RETREG1: variants seen among roughly 807,000 people sequenced by gnomAD.
RETREG1 encodes family with sequence similarity 134 member B.
RETREG1 carries 44 observed loss-of-function variants against 54.8 expected under a neutral mutation model. The ratio of observed to expected loss-of-function variants is 0.80; its 90% confidence interval spans 0.63 to 1.03. The LOEUF (loss-of-function observed/expected upper bound fraction) is 1.03. Ranked by LOEUF, RETREG1 falls within the 50% of genes least tolerant of loss-of-function variation. The pLI, the probability that RETREG1 is intolerant of heterozygous loss-of-function variation, is 0.00. For missense variants in RETREG1, 554 were observed against 605.1 expected, an observed-to-expected ratio of 0.92 and a Z score of 0.89; for synonymous variants, 217 against 238.5, an observed-to-expected ratio of 0.91 and a Z score of 0.83.
At position 16,475,214 on chromosome 5, in the gene RETREG1, C is replaced by A; in HGVS notation, c.1021G>T (p.Glu341Ter). The change falls in exon 9 of 9, where the codon GAA (glutamate) becomes TAA (stop). Residue 341 changes from glutamate to a stop codon, truncating the protein, a stop_gained. Transcript: ENST00000306320. LOFTEE classifies it high-confidence loss of function. Reference sequence around the variant, plus strand: ...TCTGAAAGATCTCTAGAGAAAACTTCCTCACTGGGTCGGTCAAGATCTGTG... The same window carrying A: ...TCTGAAAGATCTCTAGAGAAAACTTACTCACTGGGTCGGTCAAGATCTGTG... ...TSDDLDRPSE[E>*]VFSRDLSDFP... The A allele has an allele frequency of 6.2e-7, 1 of 1,613,044 alleles. No homozygotes were observed. The highest frequency in any genetic ancestry group is 1.1e-5 in the South Asian group (1 of 91,082).
intron 3 of RETREG1, among the ~76,000 whole-genome samples, chr5:16,491,532 A>T (rs1306423044): frequency 6.6e-6 from 1 of 152,230 alleles, no homozygotes; most frequent in African/African-American, 2.4e-5. Flanking sequence ...CATGTTTTTA[A>T]TTCACTTATC....
chr5:16,601,463 C>A (rs1335173831), intron 1 of RETREG1, among the ~76,000 whole-genome samples: 2 of 149,632 alleles, frequency 1.3e-5, no homozygotes, highest in African/African-American at 4.9e-5. Context: ...ATGGCGTGAT[C>A]TCAGCTCACT....
chr5:16,479,867 TG>T (rs1241372240), intron 5 of RETREG1, among the ~76,000 whole-genome samples: 3 of 152,048 alleles, frequency 2.0e-5, no homozygotes, highest in Non-Finnish European at 4.4e-5. Flanking sequence ...TTGGAAAATA[TG>T]GGGGTATGTT....
chr5:16,493,366 T>C (rs952880155), intron 3 of RETREG1, among the ~76,000 whole-genome samples: 7 of 152,226 alleles, frequency 4.6e-5, no homozygotes, highest in African/African-American at 1.7e-4. Flanking sequence ...GCCCAGGGCA[T>C]GAGTAATGCA....
In RETREG1 at chr5:16,616,952, G is replaced by T. The variant is rs1186359476; in HGVS notation, c.20C>A (p.Pro7Gln). ...CGGGCATCCCTCCTCGGCGTGCTCC[G>T]GAGGCGCCGGGCTCGCCATCTTCAG... MASPAP[P>Q]EHAEEGCPAP... The change falls in exon 1 of 9, where the codon CCG becomes CAG. Residue 7 changes from proline to glutamine, a missense_variant. By Grantham distance (76) the Pro-to-Gln change is moderately conservative. Coordinates refer to ENST00000306320, the MANE Select transcript of RETREG1 (RefSeq NM_001034850.3). 3 of 1,443,900 alleles carry T rather than the reference G, an allele frequency of 2.1e-6. No homozygotes were observed. Among genetic ancestry groups the T allele is most frequent in the Admixed American group, 2.6e-5 (1 of 38,604 alleles). 89.4% of individuals were successfully genotyped at this position (1,443,900 alleles called of 1,614,324 possible). A position where few individuals can be genotyped will look rare whatever the true frequency, so the allele number is the denominator to read the frequency against.
chr5:16,480,302 G>A (rs1322590069), intron 5 of RETREG1, among the ~76,000 whole-genome samples: 1 of 151,996 alleles, frequency 6.6e-6, no homozygotes, highest in Non-Finnish European at 1.5e-5. Flanking sequence ...CTTTAGTGTT[G>A]TATGTATCCA....
Position 16,491,430 on chromosome 5 carries a change from A to G in RETREG1, c.459-7958T>C, listed in dbSNP as rs79762005. Reference sequence around the variant, plus strand: ...CAGTAGCTAACAGAGCTTGACATCTATGAGGCACATAAAAATACTGAATGA... The same window carrying G: ...CAGTAGCTAACAGAGCTTGACATCTGTGAGGCACATAAAAATACTGAATGA... On this transcript the variant is annotated intron_variant, in intron 3 of 8. Coordinates refer to ENST00000306320, the MANE Select transcript of RETREG1 (RefSeq NM_001034850.3). Among the ~76,000 whole-genome samples the G allele has an allele frequency of 1.3e-4, 20 of 152,356 alleles. No homozygotes were observed. The East Asian group carries it at 3.7e-3, about 28-fold the overall frequency.
chr5:16,474,940 A>T lies in RETREG1; in HGVS notation c.1295T>A (p.Val432Glu). 6.2e-7 allele frequency: 1 copy of T among 1,613,848 alleles called. No homozygotes were observed. Among genetic ancestry groups the T allele is most frequent in the African/African-American group, 1.3e-5 (1 of 74,988 alleles). The change falls in exon 9 of 9, where the codon GTG becomes GAG. Residue 432 changes from valine to glutamate, a missense_variant. Val to Glu is a moderately radical substitution (Grantham distance 121). This residue lies in a region of RETREG1 where 347 missense variants were observed against 412.3 expected (regional missense o/e 0.84). Transcript: ENST00000306320. ...TAAIKDQLEG[V>E]QQALSQAAPI... is the part of the protein sequence containing the mutation. ...GGCAGCCTGAGAAAGTGCTTGCTGC[A>T]CACCCTCTAACTGGTCTTTGATAGC... is the stretch of plus-strand genomic sequence containing the variant.
intron 1 of RETREG1, among the ~76,000 whole-genome samples, chr5:16,587,175 G>A (rs1742645934): frequency 6.6e-6 from 1 of 152,210 alleles, no homozygotes. Flanking sequence ...GGTGAGTGAT[G>A]GGGAGAGAAG....
chr5:16,588,600 C>G (rs1009229350), intron 1 of RETREG1, among the ~76,000 whole-genome samples: 1 of 152,196 alleles, frequency 6.6e-6, no homozygotes, highest in South Asian at 2.1e-4. Context: ...GAGGACATAT[C>G]CACATCCTCC....
chr5:16,575,753 A>T (rs147665800), intron 1 of RETREG1, among the ~76,000 whole-genome samples: 60 of 152,380 alleles, frequency 3.9e-4, no homozygotes, highest in African/African-American at 1.4e-3. Context: ...TTGCTTAGCA[A>T]GGTAATGCCA....
intron 3 of RETREG1, among the ~76,000 whole-genome samples, chr5:16,530,670 C>T (rs1468268372): frequency 6.6e-6 from 1 of 152,074 alleles, no homozygotes; most frequent in African/African-American, 2.4e-5. Flanking sequence ...ATCAGGAGTT[C>T]GAGACCAGCC....
intron 8 of RETREG1, among the ~76,000 whole-genome samples, chr5:16,475,870 G>A (rs891066844): frequency 6.6e-6 from 1 of 152,106 alleles, no homozygotes; most frequent in South Asian, 2.1e-4. Flanking sequence ...ACATTAGAAG[G>A]CTAATAGATT....
chr5:16,593,035 G>GTT lies in RETREG1; in HGVS notation c.321-20935_321-20934dup, dbSNP rs1486435676. ...CTATATAACACACTTGAACTTAAAA[G>GTT]TTTTTCAAAAAAAAAGAAAAGGAAA... On this transcript the variant is annotated intron_variant, in intron 1 of 8. Transcript: ENST00000306320. The surrounding 1 kb of genome is among the most constrained non-coding windows in gnomAD (Gnocchi z 4.9). Among the ~76,000 whole-genome samples the GTT allele has an allele frequency of 6.6e-6, 1 of 151,742 alleles. No homozygotes were observed. Among genetic ancestry groups the GTT allele is most frequent in the East Asian group, 1.9e-4 (1 of 5,196 alleles).
intron 3 of RETREG1, among the ~76,000 whole-genome samples, chr5:16,507,031 T>C (rs1051686566): frequency 2.6e-5 from 4 of 152,254 alleles, no homozygotes; most frequent in African/African-American, 9.6e-5. Flanking sequence ...TACGCCTTGT[T>C]AACCAGTAAA....
At chr5:16,502,228 G>A (rs560273911) in intron 3 of RETREG1, among the ~76,000 whole-genome samples, 42 of 152,260 alleles carry the variant, frequency 2.8e-4, no homozygotes, top group Non-Finnish European at 5.0e-4. Context: ...AAAGTGCTGG[G>A]ATTACAGGCG....
intron 3 of RETREG1, among the ~76,000 whole-genome samples, chr5:16,518,017 A>T (rs1740413701): frequency 6.6e-6 from 1 of 151,046 alleles, no homozygotes; most frequent in Non-Finnish European, 1.5e-5. Flanking sequence ...GAAAGAATAG[A>T]AATCAAAATA....
intron 2 of RETREG1, among the ~76,000 whole-genome samples, chr5:16,566,895 G>A (rs1276943229): frequency 1.3e-5 from 2 of 152,216 alleles, no homozygotes; most frequent in African/African-American, 4.8e-5. Flanking sequence ...GCAGGGGACT[G>A]TGAGCAATAA....
intron 3 of RETREG1, among the ~76,000 whole-genome samples, chr5:16,498,870 C>T (rs1165423429): frequency 6.6e-6 from 1 of 152,192 alleles, no homozygotes; most frequent in Non-Finnish European, 1.5e-5. Context: ...ACCCTGTACA[C>T]TTATTGAGTT....
Sources: gnomAD v4.1 joint callset for allele counts (sites outside exome capture counted in the v4.1 genomes callset) on GRCh38, gnomAD v4.1.1 for gene constraint, gnomAD v4.1.1 regional missense constraint, Gnocchi (gnomAD v3.1) non-coding constraint, MANE v1.5 for transcripts, NCBI Gene and HGNC (gene_info 2026-07-23, HGNC 2026-07-21) for gene names.